The following ARL13B variants were observed in gnomAD, a reference collection of about 807,000 sequenced individuals.
ARL13B encodes ARF like GTPase 13B, also known as ADP-ribosylation factor-like protein 13B.
ARL13B carries 36 observed loss-of-function variants against 56.1 expected under a neutral mutation model. The observed-to-expected ratio is 0.64, with a 90% CI of 0.49 to 0.85. ARL13B has a LOEUF of 0.85. Ranked by LOEUF, ARL13B falls within the 40% of genes least tolerant of loss-of-function variation. The pLI is 0.00. For synonymous variants in ARL13B, 178 were observed against 171.1 expected, an observed-to-expected ratio of 1.04 and a Z score of -0.32; for missense variants, 519 against 507.1, an observed-to-expected ratio of 1.02 and a Z score of -0.23.
rs1292723972 is a variant in ARL13B at position 94,055,162 on chromosome 3, A to C, written c.*1899A>C. ...TAAGCATTTTAAAAACATTTTAAAA[A>C]ATGTTTTGTAAATCCAGGTGTATTT... On this transcript the variant is annotated 3_prime_UTR_variant, in exon 10 of 10. Coordinates refer to ENST00000394222, the MANE Select transcript of ARL13B (RefSeq NM_001174150.2). The C allele has an allele frequency of 2.7e-6, 1 of 367,222 alleles. No individual in the cohort carries two copies. The highest frequency in any genetic ancestry group is 2.2e-5 in the African/African-American group (1 of 46,510). 22.7% of individuals were successfully genotyped at this position (367,222 alleles called of 1,614,324 possible).
In ARL13B at chr3:94,039,899, C is replaced by T. The variant is rs138982484; in HGVS notation, c.709C>T (p.Gln237Ter). 1.1e-5 allele frequency: 18 copies of T among 1,613,834 alleles called. No individual in the cohort carries two copies. Among genetic ancestry groups the T allele is most frequent in the Non-Finnish European group, 1.4e-5 (17 of 1,179,960 alleles). The change falls in exon 6 of 10, where the codon CAG becomes TAG. Residue 237 changes from glutamine (Q) to a stop codon, truncating the protein, a stop_gained. Coordinates refer to ENST00000394222, the MANE Select transcript of ARL13B (RefSeq NM_001174150.2). LOFTEE classifies it high-confidence loss of function. ...CGATAGAAAACAAAATGAACAGGAG[C>T]AGGCTGAACTCGATGGAACCAGTGG... The part of the protein sequence containing the change: ...REERKQNEQE[Q>*]AELDGTSGLA...
rs138270617 is a variant in ARL13B at position 93,987,110 on chromosome 3, G to T, written c.59+6628G>T. ...TTCAGGAAAGATTCAGAATTTAAAT[G>T]TTTTCTAAGTTCAATCCTCCCTAAT... On this transcript the variant is annotated intron_variant, in intron 1 of 9. Transcript: ENST00000394222. Among the ~76,000 whole-genome samples the T allele has an allele frequency of 1.6e-3, 249 of 151,626 alleles. 2 individuals carry two copies. Among genetic ancestry groups the T allele is most frequent in the African/African-American group, 5.8e-3 (238 of 41,388 alleles).
intron 3 of ARL13B, among the ~76,000 whole-genome samples, chr3:94,033,895 T>C (rs2076720082): frequency 6.6e-6 from 1 of 152,126 alleles, no homozygotes; most frequent in African/African-American, 2.4e-5. Flanking sequence ...AAGGAAGATA[T>C]TAGCCAAATC....
intron 3 of ARL13B, among the ~76,000 whole-genome samples, chr3:94,034,127 G>C (rs1032136700): frequency 6.6e-6 from 1 of 152,090 alleles, no homozygotes; most frequent in African/African-American, 2.4e-5. Context: ...TGTTAGGTGT[G>C]ATAGTGGTAT....
chr3:94,024,800 C>A (rs2076522286), intron 3 of ARL13B, among the ~76,000 whole-genome samples: 1 of 152,044 alleles, frequency 6.6e-6, no homozygotes, highest in Non-Finnish European at 1.5e-5. Context: ...GTTGCTCAGG[C>A]TGATCTCTAA....
chr3:94,002,072 G>A (rs765527891), intron 2 of ARL13B, among the ~76,000 whole-genome samples: 1 of 152,168 alleles, frequency 6.6e-6, no homozygotes, highest in Admixed American at 6.5e-5. Flanking sequence ...CTGTTTCTCA[G>A]TCACACCTAA....
At chr3:94,040,280 C>T (rs1382727142) in intron 6 of ARL13B, among the ~76,000 whole-genome samples, 7 of 152,014 alleles carry the variant, frequency 4.6e-5, no homozygotes, top group African/African-American at 1.7e-4. Flanking sequence ...TCTATTCTGT[C>T]ATTTATTTCA....
At chr3:94,025,943 T>A (rs1391858318) in intron 3 of ARL13B, among the ~76,000 whole-genome samples, 2 of 152,190 alleles carry the variant, frequency 1.3e-5, no homozygotes, top group African/African-American at 4.8e-5. Flanking sequence ...ATTTGCCCAG[T>A]GTAATTAGCT....
intron 7 of ARL13B, among the ~76,000 whole-genome samples, chr3:94,043,534 G>GACCTCC (rs2076902213): frequency 7.5e-5 from 1 of 13,356 alleles, no homozygotes; most frequent in African/African-American, 2.6e-4. Flanking sequence ...CCTTGGAATA[G>GACCTCC]CCCTCCCCCT....
At chr3:94,022,889 AC>A (rs2076479299) in intron 3 of ARL13B, among the ~76,000 whole-genome samples, 1 of 152,052 alleles carries the variant, frequency 6.6e-6, no homozygotes, top group Non-Finnish European at 1.5e-5. Context: ...TTTTGTACAT[AC>A]ATCACTAATT....
intron 5 of ARL13B, 144 bp from the exon 6 acceptor site, chr3:94,039,736 T>C: frequency 7.5e-6 from 5 of 664,930 alleles, no homozygotes; most frequent in Non-Finnish European, 1.0e-5. Context: ...TGCATAAGGA[T>C]TTTTGAAATG....
chr3:93,986,582 T>C (rs1710474199), intron 1 of ARL13B, among the ~76,000 whole-genome samples: 1 of 152,246 alleles, frequency 6.6e-6, no homozygotes, highest in South Asian at 2.1e-4. Flanking sequence ...TTTTAAATAC[T>C]GTAGATAATA....
At chr3:94,019,289 C>A (rs916532279) in intron 3 of ARL13B, among the ~76,000 whole-genome samples, 1 of 151,972 alleles carries the variant, frequency 6.6e-6, no homozygotes, top group African/African-American at 2.4e-5. Context: ...CTCCATCTCC[C>A]AGGTTCAATC....
chr3:94,000,518 A>C (rs1380502954), intron 2 of ARL13B, among the ~76,000 whole-genome samples: 1 of 151,782 alleles, frequency 6.6e-6, no homozygotes, highest in Non-Finnish European at 1.5e-5. Flanking sequence ...ACATGTCTTC[A>C]TTATATTGTA....
chr3:94,023,480 A>G (rs1038855431), intron 3 of ARL13B, among the ~76,000 whole-genome samples: 1 of 151,808 alleles, frequency 6.6e-6, no homozygotes, highest in Middle Eastern at 3.2e-3. Context: ...TCATGTATTT[A>G]CGGTCTTGCT....
intron 1 of ARL13B, among the ~76,000 whole-genome samples, chr3:93,990,079 A>G (rs2107352661): frequency 6.6e-6 from 1 of 152,268 alleles, no homozygotes; most frequent in South Asian, 2.1e-4. Flanking sequence ...ATCTCAGCTC[A>G]CGGCAACCTC....
chr3:93,994,497 GTAT>G (rs1244860263), intron 1 of ARL13B, among the ~76,000 whole-genome samples: 3 of 146,836 alleles, frequency 2.0e-5, no homozygotes, highest in Non-Finnish European at 4.4e-5. Context: ...ATAATTTATC[GTAT>G]TATTAGTGTC....
In ARL13B at chr3:94,027,496, T is replaced by A. The variant is rs184948222; in HGVS notation, c.381-7835T>A. Among the ~76,000 whole-genome samples, 272 of 152,230 alleles carry A rather than the reference T, an allele frequency of 1.8e-3. 1 individual carries two copies. Among genetic ancestry groups the A allele is most frequent in the Admixed American group, 2.9e-3 (44 of 15,294 alleles). The stretch of plus-strand genomic sequence containing the variant: ...ACTTTTATCTGATTCAAGTAAGCTG[T>A]ACATACATAAAATGATTTTTATATT... On this transcript the variant is annotated intron_variant, in intron 3 of 9. Transcript: ENST00000394222.
chr3:93,994,131 A>G (rs2075924441), intron 1 of ARL13B, among the ~76,000 whole-genome samples: 1 of 152,192 alleles, frequency 6.6e-6, no homozygotes, highest in South Asian at 2.1e-4. Flanking sequence ...ACAATGGCCT[A>G]TGGTCTAACA....
Sources: gnomAD v4.1 joint callset for allele counts (sites outside exome capture counted in the v4.1 genomes callset) on GRCh38, gnomAD v4.1.1 for gene constraint, MANE v1.5 for transcripts, NCBI Gene and HGNC (gene_info 2026-07-23, HGNC 2026-07-21) for gene names.